Variants in GSN observed in about 807,000 individuals in gnomAD.
GSN encodes the protein gelsolin.
Under a neutral mutation model 85.7 loss-of-function variants are expected in GSN, and 56 were observed. The ratio of observed to expected loss-of-function variants is 0.65; its 90% CI spans 0.53 to 0.82. The LOEUF (loss-of-function observed/expected upper bound fraction) is 0.82, where lower values mean the gene tolerates loss of function less well. Ranked by LOEUF, GSN falls within the 40% of genes least tolerant of loss-of-function variation. The pLI is 0.00. For synonymous variants in GSN, 373 were observed against 399.1 expected (o/e 0.93, Z 0.78); for missense variants, 857 against 979.8 (o/e 0.87, Z 1.67).
At chr9:121,327,277 G>A in intron 13 of GSN, 31 bp from the exon 14 acceptor site, 1 of 1,597,372 alleles carries the variant, frequency 6.3e-7, no homozygotes, top group Non-Finnish European at 8.6e-7. Context: ...TTTTTGTCTG[G>A]TTCCTGATTA....
intron 2 of GSN, among the ~76,000 whole-genome samples, chr9:121,293,900 A>G (rs559541906): frequency 7.9e-5 from 12 of 152,154 alleles, no homozygotes; most frequent in Non-Finnish European, 1.6e-4. Context: ...CCCTAGGAAA[A>G]AAGTATTATA....
intron 2 of GSN, among the ~76,000 whole-genome samples, chr9:121,297,349 G>A (rs1484590227): frequency 6.6e-6 from 1 of 152,014 alleles, no homozygotes; most frequent in African/African-American, 2.4e-5. Context: ...ATGAATTTTA[G>A]TAGATTTAAT....
chr9:121,261,441 A>G lies in GSN; in HGVS notation c.-340-3713A>G, dbSNP rs2055082715. Among the ~76,000 whole-genome samples, 1 of 152,216 alleles carries G rather than the reference A, an allele frequency of 6.6e-6. No homozygotes were observed. Among genetic ancestry groups the G allele is most frequent in the East Asian group, 1.9e-4 (1 of 5,204 alleles). On this transcript the variant is annotated intron_variant, in intron 6 of 24. Transcript: ENST00000373823. This position sits in a 1 kb window ranked among gnomAD's most constrained non-coding sequence, Gnocchi z 4.1. The stretch of plus-strand genomic sequence containing the variant: ...CCCACATGAAAGGCAGTGGCTTTGG[A>G]GCAAAACCTGGGTTCCAGTCCCAGC...
At chr9:121,233,216 A>C (rs2054428296) in intron 5 of GSN, among the ~76,000 whole-genome samples, 1 of 152,130 alleles carries the variant, frequency 6.6e-6, no homozygotes, top group Non-Finnish European at 1.5e-5. Flanking sequence ...CTGTAATCCC[A>C]ATACTTAGGG....
At position 121,314,011 on chromosome 9, in the gene GSN, C is replaced by T. The variant is rs751823302; in HGVS notation, c.741C>T (p.Ala247=). 127 of 1,613,104 alleles carry T rather than the reference C, an allele frequency of 7.9e-5. No individual in the cohort carries two copies. Among genetic ancestry groups the T allele is most frequent in the Non-Finnish European group, 9.7e-5 (114 of 1,179,126 alleles). The change falls in exon 7 of 18, where the codon GCC becomes GCT. Residue 247 remains alanine, a synonymous_variant. Transcript: ENST00000432226. Reference sequence around the variant, plus strand: ...AGGATGCGGCCAACCGCAAGCTGGCCAAGCTCTACAAGGTGAGCACCAGAT... The same window carrying T: ...AGGATGCGGCCAACCGCAAGCTGGCTAAGCTCTACAAGGTGAGCACCAGAT... ...AKEDAANRKL[A]KLYKVSNGAG... is the part of the protein sequence containing the mutation.
chr9:121,274,992 C>G lies in GSN; in HGVS notation c.-102-6478C>G, dbSNP rs114499355. ...TGTCATGCTAAATTTTGCCAAATTT[C>G]TGCTCATAAAGGTTACAGTAGTCCT... is the stretch of plus-strand genomic sequence containing the variant. On this transcript the variant is annotated intron_variant, in intron 1 of 17. Coordinates refer to ENST00000432226, the MANE Select transcript of GSN (RefSeq NM_198252.3). Among the ~76,000 whole-genome samples, 1,242 of 152,334 alleles carry G rather than the reference C, an allele frequency of 8.2e-3. 15 individuals are homozygous for G. The highest frequency in any genetic ancestry group is 0.029 in the African/African-American group (1,185 of 41,568).
chr9:121,307,511 G>A (rs989229023), intron 4 of GSN, among the ~76,000 whole-genome samples: 2 of 152,184 alleles, frequency 1.3e-5, no homozygotes, highest in Non-Finnish European at 2.9e-5. Flanking sequence ...TGGGTCCCTG[G>A]AAGGGGGATC....
rs561626336 is a variant in GSN at position 121,299,933 on chromosome 9, C to T, written c.-9-2030C>T. On this transcript the variant is annotated intron_variant, in intron 2 of 17. Transcript: ENST00000432226. The surrounding 1 kb of genome is among the most constrained non-coding windows in gnomAD (Gnocchi z 4.2). ...TGGCGCTGTGCGCGCTGTCGCTGCC[C>T]GTCCGCGCGGCCACTGCGTCGCGGG... 1.0e-5 allele frequency: 13 copies of T among 1,261,510 alleles called. No homozygotes were observed. Among genetic ancestry groups the T allele is most frequent in the Middle Eastern group, 2.4e-4 (1 of 4,130 alleles). The allele number at this position is 1,261,510 out of a possible 1,614,324, so 78.1% of individuals were successfully genotyped here.
At chr9:121,230,597 C>T (rs543274952) in intron 4 of GSN, among the ~76,000 whole-genome samples, 60 of 152,250 alleles carry the variant, frequency 3.9e-4, no homozygotes, top group African/African-American at 1.4e-3. Flanking sequence ...AGATTCAGCC[C>T]TTGTGTGTCT....
chr9:121,238,193 C>T (rs541545123), intron 5 of GSN: 70 of 152,562 alleles, frequency 4.6e-4, no homozygotes, highest in Non-Finnish European at 8.5e-4. Context: ...TTGATTGGAT[C>T]GAAGGATGCA....
intron 6 of GSN, among the ~76,000 whole-genome samples, chr9:121,254,609 T>C (rs2054911353): frequency 6.6e-6 from 1 of 152,232 alleles, no homozygotes; most frequent in Non-Finnish European, 1.5e-5. Flanking sequence ...AAAAGACCTT[T>C]AGAAAGATTT....
At chr9:121,204,719 C>T (rs956138803), upstream of GSN, among the ~76,000 whole-genome samples, 5 of 152,200 alleles carry the variant, frequency 3.3e-5, no homozygotes, top group Admixed American at 6.5e-5. Flanking sequence ...TAGAGACAAA[C>T]TAAATGTCTA....
At chr9:121,201,505 A>T in the GSN span, 1 of 152,278 alleles carries the variant, frequency 6.6e-6, no homozygotes, top group Non-Finnish European at 1.5e-5. Context: ...CGGGCTAGCC[A>T]CGGCCTGACG....
At chr9:121,205,283 T>A (rs937631802), upstream of GSN, among the ~76,000 whole-genome samples, 28 of 152,188 alleles carry the variant, frequency 1.8e-4, no homozygotes, top group African/African-American at 6.8e-4. Flanking sequence ...TGTAATGTCA[T>A]GGAAAGAGAC....
chr9:121,326,938 C>G, intron 13 of GSN: 2 of 683,846 alleles, frequency 2.9e-6, no homozygotes, highest in Admixed American at 4.1e-5. Flanking sequence ...ATCAGCATGC[C>G]ATTCCTGATT....
At chr9:121,298,054 GC>G (rs1379615372) in intron 2 of GSN, among the ~76,000 whole-genome samples, 1 of 152,098 alleles carries the variant, frequency 6.6e-6, no homozygotes, top group Non-Finnish European at 1.5e-5. Context: ...GGCTGGGCAG[GC>G]CCAGGCCTGG....
chr9:121,317,964 C>G (rs1165169990), intron 8 of GSN: 2 of 255,580 alleles, frequency 7.8e-6, no homozygotes, highest in African/African-American at 4.5e-5. Flanking sequence ...GACTGAGGCC[C>G]AGCACTGGCT....
intron 4 of GSN, among the ~76,000 whole-genome samples, chr9:121,230,111 G>A (rs1367386814): frequency 6.6e-6 from 1 of 152,124 alleles, no homozygotes; most frequent in African/African-American, 2.4e-5. Context: ...TCTCATGTTT[G>A]TCCAGTGTGA....
rs554365506 is a variant in GSN, at chr9:121,285,798, AG to A, written c.-10+4237del. Among the ~76,000 whole-genome samples the A allele has an allele frequency of 5.1e-4, 77 of 152,338 alleles. No individual in the cohort carries two copies. In the Middle Eastern group the frequency reaches 0.01, roughly 20 times the overall value. On this transcript the variant is annotated intron_variant, in intron 2 of 17. Coordinates refer to ENST00000432226, the MANE Select transcript of GSN (RefSeq NM_198252.3). ...GGGAAACTGGGGCCCAGAGAATGGTAGTGACTCCTTCAGGTCCTCAGAGAGG... is the reference window on the plus strand; with the variant it reads ...GGGAAACTGGGGCCCAGAGAATGGTATGACTCCTTCAGGTCCTCAGAGAGG...
Sources: gnomAD v4.1 joint callset for allele counts (sites outside exome capture counted in the v4.1 genomes callset) on GRCh38, gnomAD v4.1.1 for gene constraint, Gnocchi (gnomAD v3.1) non-coding constraint, MANE v1.5 for transcripts, NCBI Gene and HGNC (gene_info 2026-07-23, HGNC 2026-07-21) for gene names.